The following SDS variants were observed in gnomAD, a reference collection of about 807,000 sequenced individuals.
SDS encodes serine dehydratase.
A neutral mutation model predicts 29.3 loss-of-function variants in SDS; 19 were observed. The ratio of observed to expected loss-of-function variants is 0.65; its 90% CI spans 0.45 to 0.95. The LOEUF is 0.95. Among genes scored for constraint, SDS ranks in the 40% least tolerant of loss-of-function variants. The pLI is 0.00. For missense variants in SDS, 375 were observed against 439.9 expected (o/e 0.85, Z 1.32); for synonymous variants, 176 against 189.0 (o/e 0.93, Z 0.56).
Position 113,393,815 on chromosome 12 carries a change from C to A in SDS, c.778+77G>T, listed in dbSNP as rs546493470. On this transcript the variant is annotated intron_variant, in intron 7 of 7. Transcript: ENST00000257549. ...GAAGGAAACTTGGGGTGAGTGGGAT[C>A]CCCAGTGGCATACCAAGTGGACAGC... is the stretch of plus-strand genomic sequence containing the variant. 11 of 1,591,818 alleles carry A rather than the reference C, an allele frequency of 6.9e-6. No homozygotes were observed. In the East Asian group the frequency reaches 1.3e-4, roughly 19 times the overall value.
At chr12:113,394,191 A>C (rs1262929600) in intron 6 of SDS, among the ~76,000 whole-genome samples, 175 bp from the exon 7 acceptor site, 1 of 152,156 alleles carries the variant, frequency 6.6e-6, no homozygotes, top group Non-Finnish European at 1.5e-5. Context: ...GGGATCCCCA[A>C]ACCAAGTGGG....
At chr12:113,397,124 G>T (rs370101754) in intron 6 of SDS, 41 bp downstream of exon 6, 2 of 1,565,620 alleles carry the variant, frequency 1.3e-6, no homozygotes, top group Non-Finnish European at 1.8e-6. Context: ...GGACTCCCCA[G>T]TGCTTGCTGG....
In SDS at chr12:113,393,091, G is replaced by A. The variant is rs1403759016; in HGVS notation, c.837C>T (p.Ser279=). 4 of 1,614,092 alleles carry A rather than the reference G, an allele frequency of 2.5e-6. No homozygotes were observed. The highest frequency in any genetic ancestry group is 1.6e-4 in the Middle Eastern group (1 of 6,072). Residue 279 remains serine (S), a synonymous_variant, in exon 8 of 8, where the codon AGC becomes AGT. Transcript: ENST00000257549. ...ACGAALAAVY[S]HVIQKLQLEG... is the part of the protein sequence containing the mutation. ...CCAGTTGGAGCTTCTGGATCACGTG[G>A]CTATAGACAGCGGCCAGGGCTGCCC... is the stretch of plus-strand genomic sequence containing the variant.
chr12:113,393,165 C>T lies in SDS; in HGVS notation c.779-16G>A, dbSNP rs189871961. ...TTCTCATCATCTGCCAGAGAAGGGG[C>T]GTGACAGGGGCGTGGCCTGAGTTTC... On this transcript the variant is annotated splice_polypyrimidine_tract_variant and intron_variant, in intron 7 of 7. Transcript: ENST00000257549. The T allele has an allele frequency of 1.3e-5, 21 of 1,612,388 alleles. No individual in the cohort carries two copies. In the African/African-American group the frequency reaches 1.7e-4, roughly 13 times the overall value.
At chr12:113,399,747 G>A in intron 1 of SDS, 37 bp from the exon 2 acceptor site, 1 of 1,483,402 alleles carries the variant, frequency 6.7e-7, no homozygotes, top group Non-Finnish European at 9.0e-7. Context: ...GGTTAGGAGA[G>A]CTAGCCCCGG....
rs143831842 is a variant in SDS, at chr12:113,398,828, G to T, written c.212C>A (p.Ala71Glu). 1.9e-6 allele frequency: 3 copies of T among 1,607,508 alleles called. No individual in the cohort carries two copies. Among genetic ancestry groups the T allele is most frequent in the Non-Finnish European group, 2.5e-6 (3 of 1,177,214 alleles). ...GAGTTGCCTGGCCGCATATGCAGCCGCCATGCCTGCGTTGCCCGCTGCCAG... is the reference window on the plus strand; with the variant it reads ...GAGTTGCCTGGCCGCATATGCAGCCTCCATGCCTGCGTTGCCCGCTGCCAG... ...VCSSAGNAGM[A>E]AAYAARQLGV... Residue 71 changes from alanine (A) to glutamate (E), a missense_variant, in exon 4 of 8, where the codon GCG (alanine) becomes GAG (glutamate). Coordinates refer to ENST00000257549, the MANE Select transcript of SDS (RefSeq NM_006843.3).
In SDS at chr12:113,397,407, GA is replaced by G. The variant is rs1957654566; in HGVS notation, c.426-16del. 1 of 1,591,338 alleles carries G rather than the reference GA, an allele frequency of 6.3e-7. No individual in the cohort carries two copies. The highest frequency in any genetic ancestry group is 8.6e-7 in the Non-Finnish European group (1 of 1,164,312). On this transcript the variant is annotated splice_polypyrimidine_tract_variant and intron_variant, in intron 5 of 7. Transcript: ENST00000257549. The stretch of plus-strand genomic sequence containing the variant: ...CGTGGCCTTCCCTGGAGGGTGGGGA[GA>G]GGGGGTGGCAGGTCAGGGCTAGGCT...
intron 6 of SDS, among the ~76,000 whole-genome samples, chr12:113,395,228 C>T (rs1459010025): frequency 6.6e-6 from 1 of 152,122 alleles, no homozygotes; most frequent in East Asian, 1.9e-4. Flanking sequence ...TAGCTCTATT[C>T]CCAGCTCAGC....
At chr12:113,401,443 G>A (rs1957684339) in intron 1 of SDS, among the ~76,000 whole-genome samples, 1 of 151,884 alleles carries the variant, frequency 6.6e-6, no homozygotes, top group Non-Finnish European at 1.5e-5. Context: ...TGTTGGCCAG[G>A]CTGGTCTCCA....
intron 1 of SDS, among the ~76,000 whole-genome samples, chr12:113,402,026 T>C (rs889771814): frequency 1.3e-5 from 2 of 152,134 alleles, no homozygotes; most frequent in African/African-American, 4.8e-5. Flanking sequence ...GCTCCCAGAA[T>C]GAGCCAGACA....
chr12:113,392,904 T>C lies in SDS; in HGVS notation c.*37A>G, dbSNP rs779671985. On this transcript the variant is annotated 3_prime_UTR_variant, in exon 8 of 8. Transcript: ENST00000257549. ...AACTCCAGCCCCTCCAGGGGTCTCT[T>C]GGGCTAGGAGAGCACAGATCGGTAA... is the stretch of plus-strand genomic sequence containing the variant. The C allele has an allele frequency of 5.0e-6, 8 of 1,594,384 alleles. No individual in the cohort carries two copies. Among genetic ancestry groups the C allele is most frequent in the Non-Finnish European group, 6.9e-6 (8 of 1,165,088 alleles).
At chr12:113,403,186 G>T (rs1294150053) in intron 1 of SDS, among the ~76,000 whole-genome samples, 1 of 152,096 alleles carries the variant, frequency 6.6e-6, no homozygotes, top group African/African-American at 2.4e-5. Context: ...GAGTGCAGGG[G>T]CGCAATAATT....
chr12:113,393,197 T>A (rs756908097), intron 7 of SDS, 48 bp from the exon 8 acceptor site: 1 of 1,571,258 alleles, frequency 6.4e-7, no homozygotes, highest in African/African-American at 1.3e-5. Flanking sequence ...TTTCCCAGGG[T>A]GCACAGGAGC....
At chr12:113,400,792 G>GCACC in intron 1 of SDS, among the ~76,000 whole-genome samples, 1 of 152,040 alleles carries the variant, frequency 6.6e-6, no homozygotes, top group East Asian at 1.9e-4. Flanking sequence ...CGGGATCATA[G>GCACC]CACCCACCTT....
Position 113,397,265 on chromosome 12 carries a change from AG to A in SDS, c.552del (p.Trp185GlyfsTer41). On this transcript the variant is annotated frameshift_variant, in exon 6 of 8. Transcript: ENST00000257549. LOFTEE classifies it high-confidence loss of function. ...ATGGCGATGACAGGCACGTCCCCCC[AG>A]CCCACCTCCTGCAGCCCCTGGACCA... ...CGVVQGLQEVGWGDVPVIAME... is the reference protein window; with the variant it reads ...CGVVQGLQEVXWGDVPVIAME... 1 of 1,614,132 alleles carries A rather than the reference AG, an allele frequency of 6.2e-7. No homozygotes were observed. Among genetic ancestry groups the A allele is most frequent in the Non-Finnish European group, 8.5e-7 (1 of 1,180,010 alleles).
chr12:113,397,411 G>C lies in SDS; in HGVS notation c.426-19C>G. 1 of 1,586,516 alleles carries C rather than the reference G, an allele frequency of 6.3e-7. No individual in the cohort carries two copies. The highest frequency in any genetic ancestry group is 8.6e-7 in the Non-Finnish European group (1 of 1,161,090). The stretch of plus-strand genomic sequence containing the variant: ...GCCTTCCCTGGAGGGTGGGGAGAGG[G>C]GGTGGCAGGTCAGGGCTAGGCTTCC... On this transcript the variant is annotated intron_variant, in intron 5 of 7. Transcript: ENST00000257549.
intron 3 of SDS, 90 bp from the exon 4 acceptor site, chr12:113,398,936 T>C (rs111765227): frequency 1.3e-4 from 205 of 1,520,170 alleles, no homozygotes; most frequent in Non-Finnish European, 1.6e-4. Flanking sequence ...GGCTCTGGAG[T>C]TCCCCCCTCA....
At chr12:113,396,548 T>TCTC (rs1565869434) in intron 6 of SDS, 1 of 29,302 alleles carries the variant, frequency 3.4e-5, no homozygotes, top group Non-Finnish European at 7.5e-5. Flanking sequence ...CTCTCTCCCT[T>TCTC]CCTTCCTTCC....
At chr12:113,398,416 T>C in intron 5 of SDS, 99 bp downstream of exon 5, 1 of 767,176 alleles carries the variant, frequency 1.3e-6, no homozygotes, top group East Asian at 2.5e-5. Flanking sequence ...GTGCAGCTGC[T>C]GTGCATGAGG....
Sources: allele counts gnomAD v4.1 joint callset (sites outside exome capture counted in the v4.1 genomes callset), GRCh38; gene constraint gnomAD v4.1.1; transcripts MANE v1.5; gene names NCBI Gene and HGNC (gene_info 2026-07-23, HGNC 2026-07-21).